The following ENKUR variants were observed in gnomAD, a reference collection of about 807,000 sequenced individuals.
ENKUR encodes the protein enkurin, TRPC channel interacting protein.
Under a neutral mutation model 27.6 loss-of-function variants are expected in ENKUR, and 19 were observed. The observed-to-expected ratio is 0.69, with a 90% CI of 0.48 to 1.01. The LOEUF (loss-of-function observed/expected upper bound fraction) is 1.01. ENKUR is among the 50% of genes least tolerant of loss of function. The pLI is 0.00. For synonymous variants in ENKUR, 117 were observed against 96.9 expected, an observed-to-expected ratio of 1.21 and a Z score of -1.22; for missense variants, 312 against 310.5, an observed-to-expected ratio of 1.00 and a Z score of -0.04.
chr10:25,027,539 C>CA (rs34834135), intron 2 of ENKUR, among the ~76,000 whole-genome samples: 3,559 of 99,992 alleles, frequency 0.036, 182 homozygotes, highest in African/African-American at 0.13. Flanking sequence ...ACTCCGTCTC[C>CA]AAAAAAAAAA....
chr10:24,984,548 A>T, intron 5 of ENKUR, 172 bp from the exon 6 acceptor site: 1 of 1,096,958 alleles, frequency 9.1e-7, no homozygotes, highest in South Asian at 1.8e-5. Context: ...GACACTAGTA[A>T]AAACAAAATT....
chr10:25,011,947 C>T (rs1351136094), intron 1 of ENKUR, among the ~76,000 whole-genome samples: 1 of 152,210 alleles, frequency 6.6e-6, no homozygotes, highest in East Asian at 1.9e-4. Flanking sequence ...CCATCACAGG[C>T]CCAGAGACCT....
intron 1 of ENKUR, among the ~76,000 whole-genome samples, chr10:25,013,294 T>TAAATTTGC: frequency 6.6e-6 from 1 of 152,354 alleles, no homozygotes; most frequent in African/African-American, 2.4e-5. Flanking sequence ...ACATATTTAT[T>TAAATTTGC]AAATTTGCAA....
upstream of ENKUR, chr10:25,016,266 C>T (rs963190506): frequency 6.3e-6 from 5 of 790,632 alleles, no homozygotes; most frequent in African/African-American, 7.3e-5. Flanking sequence ...TAGAGAAGCT[C>T]ATTTGGAAGC....
upstream of ENKUR, chr10:25,016,229 C>T: frequency 9.2e-7 from 1 of 1,087,436 alleles, no homozygotes; most frequent in Non-Finnish European, 1.1e-6. Flanking sequence ...GGTCTCCCCT[C>T]TTCCCTCTTT....
At chr10:25,024,489 C>A (rs776527828) in intron 2 of ENKUR, 6 of 1,614,150 alleles carry the variant, frequency 3.7e-6, no homozygotes, top group South Asian at 1.1e-5. Flanking sequence ...AAATAATTGG[C>A]AGTCAGAGAG....
At chr10:25,051,417 C>T (rs897798946) in intron 2 of ENKUR, among the ~76,000 whole-genome samples, 1 of 151,870 alleles carries the variant, frequency 6.6e-6, no homozygotes, top group African/African-American at 2.4e-5. Flanking sequence ...TTAATTGGCT[C>T]ATGGTTCTGC....
intron 2 of ENKUR, among the ~76,000 whole-genome samples, chr10:25,049,076 G>A (rs1851154337): frequency 2.0e-5 from 3 of 152,140 alleles, no homozygotes. Context: ...TGCTAGCTGA[G>A]TGACCAGGGC....
In ENKUR at chr10:25,015,679, T is replaced by C. The variant is rs151298367; in HGVS notation, c.77+181A>G. Among the ~76,000 whole-genome samples the C allele has an allele frequency of 3.7e-3, 561 of 152,358 alleles. 8 individuals are homozygous for C. The highest frequency in any genetic ancestry group is 0.013 in the African/African-American group (539 of 41,588). The stretch of plus-strand genomic sequence containing the variant: ...CGCCAGACTGCCCTCTCTGTAAAAC[T>C]GTGAGATGCTGAATACCTAGATATT... On this transcript the variant is annotated intron_variant, in intron 1 of 5. Coordinates refer to ENST00000331161, the MANE Select transcript of ENKUR (RefSeq NM_145010.4).
chr10:25,002,742 T>G (rs1850217403), intron 1 of ENKUR, among the ~76,000 whole-genome samples: 1 of 152,202 alleles, frequency 6.6e-6, no homozygotes, highest in Non-Finnish European at 1.5e-5. Flanking sequence ...TTTTTTCCTT[T>G]TAGGAGCCTT....
chr10:25,018,656 GTT>G (rs1850657699), upstream of ENKUR, among the ~76,000 whole-genome samples: 2 of 77,744 alleles, frequency 2.6e-5, no homozygotes, highest in East Asian at 7.1e-4. Context: ...ACAAATGAGA[GTT>G]GTTTTTTTTT....
At position 25,006,342 on chromosome 10, in the gene ENKUR, C is replaced by T. The variant is rs566622098; in HGVS notation, c.78-6796G>A. Among the ~76,000 whole-genome samples, 301 of 152,156 alleles carry T rather than the reference C, an allele frequency of 2.0e-3. 2 individuals carry two copies. The highest frequency in any genetic ancestry group is 6.7e-3 in the African/African-American group (279 of 41,512). On this transcript the variant is annotated intron_variant, in intron 1 of 5. Transcript: ENST00000331161. Reference sequence around the variant, plus strand: ...TATTACACACATGGTCTCCTCTCTCCGTGAATCCTGGAGGAAGTGTATTTG... The same window carrying T: ...TATTACACACATGGTCTCCTCTCTCTGTGAATCCTGGAGGAAGTGTATTTG...
chr10:24,989,525 C>T (rs1849879571), intron 4 of ENKUR, among the ~76,000 whole-genome samples: 1 of 152,186 alleles, frequency 6.6e-6, no homozygotes, highest in Admixed American at 6.5e-5. Flanking sequence ...ATATTCACAT[C>T]TATACATGTA....
chr10:25,019,911 A>ATG (rs1188691801), upstream of ENKUR, among the ~76,000 whole-genome samples: 1 of 152,076 alleles, frequency 6.6e-6, no homozygotes. Flanking sequence ...TAAATGAACC[A>ATG]TGTGTAATGC....
At chr10:25,048,785 C>T (rs868481691) in intron 2 of ENKUR, among the ~76,000 whole-genome samples, 2 of 152,046 alleles carry the variant, frequency 1.3e-5, no homozygotes, top group African/African-American at 4.8e-5. Context: ...AAGTCATTCT[C>T]AGATGTTGGA....
intron 2 of ENKUR, among the ~76,000 whole-genome samples, chr10:25,053,533 C>T (rs1056827593): frequency 1.3e-5 from 2 of 152,062 alleles, no homozygotes; most frequent in African/African-American, 2.4e-5. Context: ...CAGGCCCTGC[C>T]CTATTTGTCT....
At chr10:25,022,665 T>C (rs1850747960) in intron 2 of ENKUR, among the ~76,000 whole-genome samples, 1 of 152,138 alleles carries the variant, frequency 6.6e-6, no homozygotes, top group Non-Finnish European at 1.5e-5. Flanking sequence ...AATTTATGAG[T>C]AATATAGTCT....
intron 2 of ENKUR, chr10:25,025,086 G>A: frequency 1.9e-6 from 3 of 1,614,064 alleles, no homozygotes; most frequent in Non-Finnish European, 1.7e-6. Flanking sequence ...GGTGCTCTGA[G>A]GGAGAGTGCC....
intron 2 of ENKUR, among the ~76,000 whole-genome samples, chr10:24,996,456 G>GTATATATATATATA (rs1554769551): frequency 2.0e-5 from 3 of 149,712 alleles, no homozygotes; most frequent in African/African-American, 7.4e-5. Context: ...GTGTGTGTGT[G>GTATATATATATATA]TATATATATA....
Sources: gnomAD v4.1 joint callset for allele counts (sites outside exome capture counted in the v4.1 genomes callset) on GRCh38, gnomAD v4.1.1 for gene constraint, MANE v1.5 for transcripts, NCBI Gene and HGNC (gene_info 2026-07-23, HGNC 2026-07-21) for gene names.